Variants in FAM81B observed in about 807,000 individuals in gnomAD.
FAM81B encodes protein FAM81B.
Under a neutral mutation model 58.7 loss-of-function variants are expected in FAM81B, and 60 were observed. That is an observed-to-expected ratio of 1.02 (90% confidence interval 0.83 to 1.27). FAM81B has a LOEUF of 1.27. Among genes scored for constraint, FAM81B ranks in the 50% most tolerant of loss-of-function variants. The pLI is 0.00. For synonymous variants in FAM81B, 189 were observed against 179.6 expected (o/e 1.05, Z -0.42); for missense variants, 491 against 522.0 (o/e 0.94, Z 0.58).
chr5:95,424,023 G>C, intron 5 of FAM81B: 1 of 1,289,320 alleles, frequency 7.8e-7, no homozygotes, highest in African/African-American at 1.5e-5. Flanking sequence ...GGATGCAACC[G>C]TGTTCTTTAT....
Position 95,414,187 on chromosome 5 carries a change from T to A in FAM81B, c.534T>A (p.Ile178=). The change falls in exon 4 of 10, where the codon ATT becomes ATA. Residue 178 remains isoleucine (I), a synonymous_variant. Transcript: ENST00000283357. ...TCGTCAAAAAACTCAGCCAAAATAT[T>A]GAGGTAGTTCTCTTTTTGTTTTATT... The part of the protein sequence containing the change: ...TSIVKKLSQN[I]EILEDQIRAR... 1 of 1,605,258 alleles carries A rather than the reference T, an allele frequency of 6.2e-7. No individual in the cohort carries two copies. The highest frequency in any genetic ancestry group is 8.5e-7 in the Non-Finnish European group (1 of 1,176,618).
chr5:95,439,262 ATATG>A (rs1554046255), intron 7 of FAM81B, among the ~76,000 whole-genome samples: 1 of 144,404 alleles, frequency 6.9e-6, no homozygotes, highest in African/African-American at 2.5e-5. Flanking sequence ...ATATATATAT[ATATG>A]TATATTTTAA....
intron 5 of FAM81B, 67 bp from the exon 6 acceptor site, chr5:95,428,536 G>A (rs1351896029): frequency 6.4e-6 from 10 of 1,571,690 alleles, no homozygotes; most frequent in Non-Finnish European, 7.8e-6. Flanking sequence ...GAATGTGCAG[G>A]TGTCTACTAT....
chr5:95,416,151 A>C (rs1382028800), intron 4 of FAM81B, among the ~76,000 whole-genome samples: 1 of 152,206 alleles, frequency 6.6e-6, no homozygotes, highest in Non-Finnish European at 1.5e-5. Context: ...CATTATGAAG[A>C]AGAAACTATT....
At chr5:95,421,240 G>T (rs753571680) in intron 5 of FAM81B, among the ~76,000 whole-genome samples, 2 of 152,206 alleles carry the variant, frequency 1.3e-5, no homozygotes, top group Non-Finnish European at 2.9e-5. Context: ...TACAGTGAAT[G>T]CTGTACTAAA....
rs961405533 is a variant in FAM81B at position 95,395,731 on chromosome 5, A to T, written c.229-380A>T. ...TCTAGTTCGGGGCTTTGTGTTTGAA[A>T]ATTAGCTGTTTCTCCTTAGAAATCA... On this transcript the variant is annotated intron_variant, in intron 2 of 9. Transcript: ENST00000283357. Among the ~76,000 whole-genome samples the T allele has an allele frequency of 1.4e-4, 22 of 152,216 alleles. 1 individual carries two copies. The highest frequency in any genetic ancestry group is 4.8e-4 in the African/African-American group (20 of 41,458).
chr5:95,418,395 GA>G (rs200518290), intron 4 of FAM81B, among the ~76,000 whole-genome samples: 23 of 148,986 alleles, frequency 1.5e-4, no homozygotes, highest in African/African-American at 4.7e-4. Flanking sequence ...ACTTAATAAG[GA>G]AAAAAAAAAT....
chr5:95,420,337 T>C lies in FAM81B; in HGVS notation c.591T>C (p.Phe197=). ...ATCAGGCGGCCACAGGAACTAACTT[T>C]GCAGTACACGAGATAAACATCAAAC... is the stretch of plus-strand genomic sequence containing the variant. ...ARDQAATGTN[F]AVHEINIKHL... The change falls in exon 5 of 10, where the codon TTT becomes TTC. Residue 197 remains phenylalanine (F), a synonymous_variant. Coordinates refer to ENST00000283357, the MANE Select transcript of FAM81B (RefSeq NM_152548.3). 1.2e-6 allele frequency: 2 copies of C among 1,613,794 alleles called. No homozygotes were observed. The highest frequency in any genetic ancestry group is 2.2e-5 in the East Asian group (1 of 44,874).
At chr5:95,393,286 T>A (rs900471512) in intron 2 of FAM81B, among the ~76,000 whole-genome samples, 1 of 152,184 alleles carries the variant, frequency 6.6e-6, no homozygotes, top group Admixed American at 6.5e-5. Context: ...AAAAGAACAT[T>A]TTTTAAAGCA....
intron 6 of FAM81B, among the ~76,000 whole-genome samples, chr5:95,429,495 C>A (rs571888088): frequency 6.6e-6 from 1 of 152,140 alleles, no homozygotes; most frequent in Non-Finnish European, 1.5e-5. Flanking sequence ...GAAAGTCTGG[C>A]GTTTGATTAT....
At chr5:95,423,504 C>A (rs1343442213) in intron 5 of FAM81B, among the ~76,000 whole-genome samples, 1 of 150,230 alleles carries the variant, frequency 6.7e-6, no homozygotes, top group African/African-American at 2.5e-5. Context: ...ACTCTCTAGC[C>A]CCATTTGGCT....
At chr5:95,440,405 T>C in intron 7 of FAM81B, 2 of 673,856 alleles carry the variant, frequency 3.0e-6, no homozygotes, top group South Asian at 2.7e-5. Context: ...GTCATGACGA[T>C]TACCTGGTAA....
At chr5:95,426,986 T>A (rs1762858260) in intron 5 of FAM81B, among the ~76,000 whole-genome samples, 1 of 152,092 alleles carries the variant, frequency 6.6e-6, no homozygotes, top group East Asian at 1.9e-4. Context: ...GAGGCGGAGC[T>A]TGCAGTGAGC....
At chr5:95,427,662 TTAA>T (rs1762884089) in intron 5 of FAM81B, among the ~76,000 whole-genome samples, 1 of 152,218 alleles carries the variant, frequency 6.6e-6, no homozygotes, top group African/African-American at 2.4e-5. Context: ...TATTTCCTAA[TTAA>T]TATTATTTGA....
At chr5:95,416,948 G>C (rs1345022289) in intron 4 of FAM81B, among the ~76,000 whole-genome samples, 1 of 152,102 alleles carries the variant, frequency 6.6e-6, no homozygotes, top group African/African-American at 2.4e-5. Flanking sequence ...GGAGGCTGAG[G>C]TGGGAGGATT....
At chr5:95,433,458 C>T (rs761333091) in intron 6 of FAM81B, among the ~76,000 whole-genome samples, 1 of 152,140 alleles carries the variant, frequency 6.6e-6, no homozygotes, top group South Asian at 2.1e-4. Flanking sequence ...ATGGGAATTA[C>T]AATTCAAGAT....
intron 3 of FAM81B, among the ~76,000 whole-genome samples, chr5:95,400,828 T>A (rs564793930): frequency 2.0e-5 from 3 of 151,580 alleles, no homozygotes; most frequent in Admixed American, 1.3e-4. Context: ...CTCAGAGAGG[T>A]TGAAGTTAGC....
intron 5 of FAM81B, among the ~76,000 whole-genome samples, chr5:95,426,437 G>A (rs2152766412): frequency 6.6e-6 from 1 of 152,160 alleles, no homozygotes; most frequent in South Asian, 2.1e-4. Flanking sequence ...AAATGAATAG[G>A]CGGCAACTCT....
intron 5 of FAM81B, chr5:95,424,280 AG>A: frequency 8.2e-7 from 1 of 1,218,584 alleles, no homozygotes; most frequent in Non-Finnish European, 1.1e-6. Flanking sequence ...GATAGACAGA[AG>A]ACAGACAGAT....
Sources: allele counts gnomAD v4.1 joint callset (sites outside exome capture counted in the v4.1 genomes callset), GRCh38; gene constraint gnomAD v4.1.1; transcripts MANE v1.5; gene names NCBI Gene and HGNC (gene_info 2026-07-23, HGNC 2026-07-21).